PTPRK: variants seen among roughly 807,000 people sequenced by gnomAD.
PTPRK encodes the protein receptor-type tyrosine-protein phosphatase kappa.
PTPRK carries 75 observed loss-of-function variants against 178.0 expected under a neutral mutation model. The ratio of observed to expected loss-of-function variants is 0.42; its 90% CI spans 0.35 to 0.51. PTPRK has a LOEUF of 0.51. Among genes scored for constraint, PTPRK ranks in the 20% least tolerant of loss-of-function variants. The pLI, the probability that PTPRK is intolerant of heterozygous loss-of-function variation, is 0.02. For synonymous variants in PTPRK, 637 were observed against 620.6 expected (o/e 1.03, Z -0.39); for missense variants, 1,441 against 1,797.8 (o/e 0.80, Z 3.59).
At chr6:128,346,543 G>T (rs1242963283) in intron 2 of PTPRK, among the ~76,000 whole-genome samples, 2 of 151,802 alleles carry the variant, frequency 1.3e-5, no homozygotes, top group South Asian at 2.1e-4. Context: ...TTATTTTTTA[G>T]TTGCCTAACA....
In PTPRK at chr6:128,264,567, C is replaced by A. The variant is rs551106687; in HGVS notation, c.496-21965G>T. On this transcript the variant is annotated intron_variant, in intron 3 of 29. Coordinates refer to ENST00000368226, the MANE Select transcript of PTPRK (RefSeq NM_002844.4). ...GCTATTCACAGGCATGATCATAGTG[C>A]ACTACAAACTTAAACTCCTAGGCTC... Among the ~76,000 whole-genome samples, 50 of 152,164 alleles carry A rather than the reference C, an allele frequency of 3.3e-4. No individual in the cohort carries two copies. In the South Asian group the frequency reaches 9.8e-3, roughly 30 times the overall value.
intron 7 of PTPRK, among the ~76,000 whole-genome samples, chr6:128,162,142 C>G (rs1053311489): frequency 6.6e-6 from 1 of 151,544 alleles, no homozygotes; most frequent in Non-Finnish European, 1.5e-5. Flanking sequence ...AATGAGGATA[C>G]TAGTTTTGAT....
intron 1 of PTPRK, among the ~76,000 whole-genome samples, chr6:128,515,996 T>C (rs1359040041): frequency 6.6e-6 from 1 of 152,204 alleles, no homozygotes; most frequent in East Asian, 1.9e-4. Flanking sequence ...CAGAAAAACC[T>C]GTAACAAACC....
intron 3 of PTPRK, among the ~76,000 whole-genome samples, chr6:128,304,485 G>GT (rs1375889015): frequency 6.6e-6 from 1 of 152,120 alleles, no homozygotes; most frequent in Non-Finnish European, 1.5e-5. Flanking sequence ...AAACATTTAA[G>GT]TTTTTTTGAA....
chr6:128,275,097 A>G (rs993379499), intron 3 of PTPRK, among the ~76,000 whole-genome samples: 2 of 152,058 alleles, frequency 1.3e-5, no homozygotes, highest in African/African-American at 4.8e-5. Context: ...CTAGCACTGT[A>G]CAACACACAC....
At chr6:128,280,876 G>A (rs561781345) in intron 3 of PTPRK, among the ~76,000 whole-genome samples, 3 of 152,100 alleles carry the variant, frequency 2.0e-5, no homozygotes, top group East Asian at 3.9e-4. Context: ...TTGGGACTTC[G>A]AATATTTTTA....
At chr6:128,338,872 C>A (rs1465505753) in intron 2 of PTPRK, among the ~76,000 whole-genome samples, 1 of 17,802 alleles carries the variant, frequency 5.6e-5, no homozygotes, top group South Asian at 5.7e-3. Context: ...GAAAAACTGC[C>A]GTAAACAAAA....
intron 7 of PTPRK, among the ~76,000 whole-genome samples, chr6:128,102,592 C>A (rs1019360400): frequency 3.9e-5 from 6 of 152,156 alleles, no homozygotes; most frequent in Admixed American, 2.6e-4. Flanking sequence ...ATTCAAATTG[C>A]CGTATTTATC....
Position 128,218,970 on chromosome 6 carries a change from A to C in PTPRK, c.820T>G (p.Ser274Ala), listed in dbSNP as rs1809875419. ...TTGGACACACCGGAACCTCGTTCTGACTGAGTTACACAGCGATACAAATCC... is the reference window on the plus strand; with the variant it reads ...TTGGACACACCGGAACCTCGTTCTGCCTGAGTTACACAGCGATACAAATCC... ...DQDLYRCVTQ[S>A]ERGSGVSNFA... The change falls in exon 6 of 30, where the codon TCA becomes GCA. Residue 274 changes from serine to alanine, a missense_variant. This residue lies in a region of PTPRK where 945 missense variants were observed against 1,080.6 expected (regional missense o/e 0.87). Coordinates refer to ENST00000368226, the MANE Select transcript of PTPRK (RefSeq NM_002844.4). The C allele has an allele frequency of 1.9e-6, 3 of 1,614,098 alleles. No homozygotes were observed. Among genetic ancestry groups the C allele is most frequent in the Non-Finnish European group, 2.5e-6 (3 of 1,179,962 alleles).
At chr6:128,027,037 C>T (rs1194719917) in intron 13 of PTPRK, among the ~76,000 whole-genome samples, 1 of 152,090 alleles carries the variant, frequency 6.6e-6, no homozygotes, top group Non-Finnish European at 1.5e-5. Context: ...TCACAGTGCC[C>T]AGAAAACTGG....
At chr6:128,479,203 G>T (rs922084518) in intron 1 of PTPRK, among the ~76,000 whole-genome samples, 11 of 151,946 alleles carry the variant, frequency 7.2e-5, no homozygotes, top group African/African-American at 2.4e-4. Context: ...TACTTCCCCA[G>T]CATCAATAAA....
chr6:128,367,142 C>T (rs558312491), intron 2 of PTPRK, among the ~76,000 whole-genome samples: 3 of 152,136 alleles, frequency 2.0e-5, no homozygotes, highest in Non-Finnish European at 4.4e-5. Context: ...ACTCTGTTGA[C>T]TTTTCTAACC....
At chr6:128,270,166 T>C (rs929181642) in intron 3 of PTPRK, among the ~76,000 whole-genome samples, 1 of 152,156 alleles carries the variant, frequency 6.6e-6, no homozygotes, top group Non-Finnish European at 1.5e-5. Context: ...GGTAGAGTTT[T>C]TGACATCAAT....
At chr6:128,382,449 C>T (rs945163573) in intron 2 of PTPRK, among the ~76,000 whole-genome samples, 1 of 150,264 alleles carries the variant, frequency 6.7e-6, no homozygotes, top group East Asian at 1.9e-4. Context: ...ACTCTGTCAC[C>T]CAGGCTGGAG....
At chr6:128,312,230 C>A (rs990592579) in intron 3 of PTPRK, among the ~76,000 whole-genome samples, 1 of 152,162 alleles carries the variant, frequency 6.6e-6, no homozygotes, top group African/African-American at 2.4e-5. Context: ...GCAAATAAGA[C>A]AGGTCAGATA....
At chr6:128,207,133 A>G (rs1269793822) in intron 6 of PTPRK, among the ~76,000 whole-genome samples, 1 of 152,120 alleles carries the variant, frequency 6.6e-6, no homozygotes, top group Non-Finnish European at 1.5e-5. Context: ...TGCATCTTTC[A>G]TCATCTGGTA....
At chr6:128,407,282 T>C (rs986855979) in intron 1 of PTPRK, among the ~76,000 whole-genome samples, 5 of 151,840 alleles carry the variant, frequency 3.3e-5, no homozygotes, top group Admixed American at 6.6e-5. Flanking sequence ...AAGTTCGTGG[T>C]TCCTAAGAAC....
intron 3 of PTPRK, among the ~76,000 whole-genome samples, chr6:128,261,363 C>T (rs537184989): frequency 6.6e-6 from 1 of 152,198 alleles, no homozygotes; most frequent in East Asian, 1.9e-4. Flanking sequence ...CAAAAAACAG[C>T]AAATTTTCCA....
Position 128,256,127 on chromosome 6 carries a change from G to T in PTPRK, c.496-13525C>A, listed in dbSNP as rs532258453. Among the ~76,000 whole-genome samples the T allele has an allele frequency of 3.3e-5, 5 of 152,164 alleles. No individual in the cohort carries two copies. In the East Asian group the frequency reaches 9.6e-4, roughly 29 times the overall value. On this transcript the variant is annotated intron_variant, in intron 3 of 29. Transcript: ENST00000368226. ...ATTTTTGGTCCCTGTCCTCAAGAGA[G>T]TCACAATGTGGCAGAAGAGATAAGC...
Sources: allele counts gnomAD v4.1 joint callset (sites outside exome capture counted in the v4.1 genomes callset), GRCh38; gene constraint gnomAD v4.1.1; regional missense constraint gnomAD v4.1.1; transcripts MANE v1.5; gene names NCBI Gene and HGNC (gene_info 2026-07-23, HGNC 2026-07-21).